CHN2: variants seen among roughly 807,000 people sequenced by gnomAD.
The protein encoded by CHN2 is beta-chimaerin.
Under a neutral mutation model 56.3 loss-of-function variants are expected in CHN2, and 35 were observed. The ratio of observed to expected loss-of-function variants is 0.62; its 90% confidence interval spans 0.47 to 0.82. CHN2 has a LOEUF of 0.82. Ranked by LOEUF, CHN2 falls within the 40% of genes least tolerant of loss-of-function variation. CHN2 has a pLI of 0.00. For missense variants in CHN2, 491 were observed against 580.5 expected, an observed-to-expected ratio of 0.85 and a Z score of 1.58; for synonymous variants, 210 against 212.8, an observed-to-expected ratio of 0.99 and a Z score of 0.12.
intron 3 of CHN2, among the ~76,000 whole-genome samples, chr7:29,382,013 C>T (rs1041827844): frequency 3.3e-5 from 5 of 152,038 alleles, no homozygotes; most frequent in African/African-American, 1.2e-4. Flanking sequence ...CTGCCCTTTG[C>T]ACCTTGCTTC....
intron 2 of CHN2, among the ~76,000 whole-genome samples, chr7:29,150,850 G>T (rs1163364451): frequency 6.6e-6 from 1 of 152,140 alleles, no homozygotes; most frequent in East Asian, 1.9e-4. Flanking sequence ...AAATGTCACA[G>T]CCCCCATGCA....
At chr7:29,240,848 CTTCTTCT>C (rs910219628) in intron 1 of CHN2, among the ~76,000 whole-genome samples, 7 of 151,770 alleles carry the variant, frequency 4.6e-5, no homozygotes, top group African/African-American at 7.3e-5. Context: ...TCGTCTTCAT[CTTCTTCT>C]TTCTTCTTTC....
chr7:29,222,968 A>T (rs571147973), intron 1 of CHN2, among the ~76,000 whole-genome samples: 1 of 152,196 alleles, frequency 6.6e-6, no homozygotes, highest in South Asian at 2.1e-4. Context: ...CTGACAAAGT[A>T]CTTGTATCCA....
intron 1 of CHN2, among the ~76,000 whole-genome samples, chr7:29,252,539 T>C (rs184228301): frequency 4.4e-4 from 65 of 148,612 alleles, no homozygotes; most frequent in Middle Eastern, 3.5e-3. Context: ...ACATGCACAG[T>C]TGGTATTTAT....
intron 3 of CHN2, among the ~76,000 whole-genome samples, chr7:29,381,148 G>A (rs539921753): frequency 6.6e-6 from 1 of 152,262 alleles, no homozygotes; most frequent in Admixed American, 6.5e-5. Flanking sequence ...TAAAATCCCT[G>A]TTTGGTCGAT....
intron 1 of CHN2, among the ~76,000 whole-genome samples, chr7:29,301,025 G>A (rs527720466): frequency 1.6e-4 from 24 of 152,186 alleles, no homozygotes; most frequent in Admixed American, 7.2e-4. Context: ...GAGAATTAAA[G>A]CTGTAATGTT....
chr7:29,501,737 G>A (rs369733519), intron 9 of CHN2, among the ~76,000 whole-genome samples: 7 of 152,082 alleles, frequency 4.6e-5, no homozygotes, highest in Admixed American at 2.6e-4. Context: ...TATGACACCC[G>A]CATTCCCAGC....
chr7:29,416,676 A>G lies in CHN2; in HGVS notation c.576+15848A>G, dbSNP rs528198082. Among the ~76,000 whole-genome samples, 11 of 152,336 alleles carry G rather than the reference A, an allele frequency of 7.2e-5. No homozygotes were observed. The South Asian group carries it at 2.1e-3, about 29-fold the overall frequency. On this transcript the variant is annotated intron_variant, in intron 6 of 12. Transcript: ENST00000222792. ...TTGAAACCGCTGGCCCGGGCAGTAGAGTAGCACAGTTAAGTATATAAGGCA... is the reference window on the plus strand; with the variant it reads ...TTGAAACCGCTGGCCCGGGCAGTAGGGTAGCACAGTTAAGTATATAAGGCA...
At chr7:29,412,320 C>CTTTTTTTTTTTTTTTT (rs1158746299) in intron 6 of CHN2, among the ~76,000 whole-genome samples, 1 of 69,510 alleles carries the variant, frequency 1.4e-5, no homozygotes, top group African/African-American at 6.2e-5. Flanking sequence ...GCTAAAGAGT[C>CTTTTTTTTTTTTTTTT]TTTTTTTTTT....
chr7:29,211,922 A>C (rs945586814), intron 1 of CHN2, among the ~76,000 whole-genome samples: 1 of 152,238 alleles, frequency 6.6e-6, no homozygotes, highest in African/African-American at 2.4e-5. Flanking sequence ...AAATATATTT[A>C]GAGTAAAGAG....
intron 1 of CHN2, among the ~76,000 whole-genome samples, chr7:29,351,783 G>T (rs1797904410): frequency 6.6e-6 from 1 of 152,202 alleles, no homozygotes; most frequent in Non-Finnish European, 1.5e-5. Flanking sequence ...AGAGAGGCGG[G>T]CAGGCTCCCA....
At chr7:29,406,410 G>T (rs1017428795) in intron 6 of CHN2, among the ~76,000 whole-genome samples, 1 of 152,168 alleles carries the variant, frequency 6.6e-6, no homozygotes, top group African/African-American at 2.4e-5. Context: ...TGGTTGAGGG[G>T]TACCTGTGAG....
chr7:29,404,148 C>A lies in CHN2; in HGVS notation c.576+3320C>A, dbSNP rs57584813. Among the ~76,000 whole-genome samples the A allele has an allele frequency of 7.9e-5, 12 of 152,126 alleles. No individual in the cohort carries two copies. In the East Asian group the frequency reaches 2.1e-3, roughly 27 times the overall value. ...TGCTCACTGCCCTTAGTGCTTTGAG[C>A]GAACACCCTTGGTTTTGGGCCATCC... On this transcript the variant is annotated intron_variant, in intron 6 of 12. Transcript: ENST00000222792.
At chr7:29,167,891 G>A (rs1047137608) in intron 2 of CHN2, among the ~76,000 whole-genome samples, 1 of 152,166 alleles carries the variant, frequency 6.6e-6, no homozygotes, top group Non-Finnish European at 1.5e-5. Flanking sequence ...ACTTACTGAT[G>A]CAAAAACCCC....
At chr7:29,164,065 C>T (rs1795560393) in intron 2 of CHN2, among the ~76,000 whole-genome samples, 1 of 152,178 alleles carries the variant, frequency 6.6e-6, no homozygotes, top group African/African-American at 2.4e-5. Context: ...GAATGTTTAA[C>T]TTTTCAAGCT....
intron 1 of CHN2, among the ~76,000 whole-genome samples, chr7:29,283,103 G>A (rs936276263): frequency 6.6e-6 from 1 of 152,156 alleles, no homozygotes; most frequent in Non-Finnish European, 1.5e-5. Context: ...GCCTGAGAGT[G>A]CGTCGATGTC....
At position 29,299,449 on chromosome 7, in the gene CHN2, G is replaced by A. The variant is rs371204938; in HGVS notation, c.50-55176G>A. Among the ~76,000 whole-genome samples the A allele has an allele frequency of 3.3e-5, 5 of 152,266 alleles. 1 individual carries two copies. The Middle Eastern group carries it at 0.014, about 414-fold the overall frequency. ...GTCAGGTTGAGTTTCATTTTGGGGA[G>A]TGTTTTCTGTTCTAGTACTTTCAGA... On this transcript the variant is annotated intron_variant, in intron 1 of 12. Transcript: ENST00000222792.
At chr7:29,484,746 C>T (rs933706506) in intron 7 of CHN2, among the ~76,000 whole-genome samples, 4 of 152,106 alleles carry the variant, frequency 2.6e-5, no homozygotes, top group Non-Finnish European at 5.9e-5. Flanking sequence ...CGATGCAACC[C>T]GTTATAGGAA....
intron 2 of CHN2, among the ~76,000 whole-genome samples, chr7:29,149,340 C>A (rs945197117): frequency 3.3e-5 from 5 of 151,662 alleles, no homozygotes; most frequent in Non-Finnish European, 7.4e-5. Flanking sequence ...CTACAAGCAC[C>A]CGCCACCACA....
Sources: gnomAD v4.1 joint callset for allele counts (sites outside exome capture counted in the v4.1 genomes callset) on GRCh38, gnomAD v4.1.1 for gene constraint, MANE v1.5 for transcripts, NCBI Gene and HGNC (gene_info 2026-07-23, HGNC 2026-07-21) for gene names.